Variants in RAG1 observed in about 807,000 individuals in gnomAD.
RAG1 encodes the protein V(D)J recombination-activating protein 1.
Under a neutral mutation model 62.7 loss-of-function variants are expected in RAG1, and 35 were observed. That is an observed-to-expected ratio of 0.56 (90% CI 0.43 to 0.74). The LOEUF (loss-of-function observed/expected upper bound fraction) is 0.74, where lower values mean the gene tolerates loss of function less well. RAG1 is among the 30% of genes least tolerant of loss of function. The pLI is 0.00. For missense variants in RAG1, 1,169 were observed against 1,278.6 expected (o/e 0.91, Z 1.31); for synonymous variants, 461 against 470.3 (o/e 0.98, Z 0.26).
At chr11:36,551,222 G>C (rs1031578022) in intron 3 of RAG1, among the ~76,000 whole-genome samples, 1 of 152,074 alleles carries the variant, frequency 6.6e-6, no homozygotes, top group East Asian at 1.9e-4. Flanking sequence ...ATAAGAAAGT[G>C]GCAGTTTTTG....
At chr11:36,571,443 G>A (rs1466607364) in intron 1 of RAG1, among the ~76,000 whole-genome samples, 1 of 152,124 alleles carries the variant, frequency 6.6e-6, no homozygotes, top group African/African-American at 2.4e-5. Flanking sequence ...TGAACTATAA[G>A]CAATTTTGAG....
Position 36,576,356 on chromosome 11 carries a change from A to G in RAG1, c.3052A>G (p.Thr1018Ala), listed in dbSNP as rs1850851633. 1 of 1,614,190 alleles carries G rather than the reference A, an allele frequency of 6.2e-7. No homozygotes were observed. Among genetic ancestry groups the G allele is most frequent in the Non-Finnish European group, 8.5e-7 (1 of 1,180,034 alleles). Residue 1018 changes from threonine to alanine, a missense_variant, in exon 2 of 2, where the codon ACC becomes GCC. Thr to Ala is a moderately conservative substitution (Grantham distance 58). This residue lies in a region of RAG1 where 800 missense variants were observed against 943.3 expected (regional missense o/e 0.85). Transcript: ENST00000299440. ...TAATGCATTAAAAACCTCTGGGTTT[A>G]CCATGAACCCTCAGGCAAGCTTAGG... is the stretch of plus-strand genomic sequence containing the variant. The part of the protein sequence containing the change: ...AHNALKTSGF[T>A]MNPQASLGDP...
At chr11:36,541,882 TA>T (rs1177859768) in intron 3 of RAG1, among the ~76,000 whole-genome samples, 2 of 150,940 alleles carry the variant, frequency 1.3e-5, no homozygotes, top group African/African-American at 2.4e-5. Context: ...AAGACGACCC[TA>T]AAAAAAAACC....
chr11:36,538,538 C>T (rs1451710445), downstream of RAG1, among the ~76,000 whole-genome samples: 3 of 152,158 alleles, frequency 2.0e-5, no homozygotes, highest in African/African-American at 4.8e-5. Context: ...TTTAGTTTCA[C>T]GCATTTTCTT....
In RAG1 at chr11:36,574,123, T is replaced by C. The variant is rs769498487; in HGVS notation, c.819T>C (p.His273=). 9.3e-6 allele frequency: 15 copies of C among 1,614,172 alleles called. No individual in the cohort carries two copies. The South Asian group carries it at 1.6e-4, about 18-fold the overall frequency. ...MKKIANCSKI[H]LSTKLLAVDF... is the part of the protein sequence containing the mutation. ...AGATCGCCAACTGCAGTAAGATACATCTTAGTACCAAGCTCCTTGCAGTGG... is the reference window on the plus strand; with the variant it reads ...AGATCGCCAACTGCAGTAAGATACACCTTAGTACCAAGCTCCTTGCAGTGG... The change falls in exon 2 of 2, where the codon CAT becomes CAC. Residue 273 remains histidine (H), a synonymous_variant. Coordinates refer to ENST00000299440, the MANE Select transcript of RAG1 (RefSeq NM_000448.3).
At chr11:36,543,895 A>G (rs1263630207) in intron 3 of RAG1, among the ~76,000 whole-genome samples, 1 of 152,162 alleles carries the variant, frequency 6.6e-6, no homozygotes, top group East Asian at 1.9e-4. Flanking sequence ...CAGAAGCGCA[A>G]TTCCTTGGTT....
chr11:36,535,447 G>A (rs1035362441), intron 2 of RAG1, among the ~76,000 whole-genome samples: 2 of 152,068 alleles, frequency 1.3e-5, no homozygotes, highest in African/African-American at 4.8e-5. Flanking sequence ...TATAATATAT[G>A]CATTGTTTAA....
intron 2 of RAG1, among the ~76,000 whole-genome samples, chr11:36,527,837 G>A (rs560718798): frequency 2.1e-4 from 32 of 152,112 alleles, no homozygotes; most frequent in Admixed American, 1.5e-3. Context: ...TGTGGCAATT[G>A]TGAATGGGAG....
upstream of RAG1, among the ~76,000 whole-genome samples, chr11:36,564,156 A>G (rs759261772): frequency 6.6e-6 from 1 of 152,206 alleles, no homozygotes; most frequent in Non-Finnish European, 1.5e-5. Context: ...TGGTCCTCAT[A>G]TCTTCTCTTG....
chr11:36,574,637 A>C lies in RAG1; in HGVS notation c.1333A>C (p.Arg445=), dbSNP rs1257936687. The change falls in exon 2 of 2, where the codon AGG becomes CGG. Residue 445 remains arginine, a synonymous_variant. Coordinates refer to ENST00000299440, the MANE Select transcript of RAG1 (RefSeq NM_000448.3). The part of the protein sequence containing the change: ...MTLFLLALRA[R]NEHRQADELE... ...CTTGTTCCTGCTGGCTCTGAGGGCG[A>C]GGAATGAGCACAGGCAAGCTGATGA... is the stretch of plus-strand genomic sequence containing the variant. 3.1e-6 allele frequency: 5 copies of C among 1,614,184 alleles called. No individual in the cohort carries two copies.
chr11:36,567,147 C>T (rs1353964014), upstream of RAG1, among the ~76,000 whole-genome samples: 1 of 152,186 alleles, frequency 6.6e-6, no homozygotes, highest in East Asian at 1.9e-4. Flanking sequence ...TGATTAGGAA[C>T]ATGAGCTTTG....
At chr11:36,531,769 A>G (rs113338470) in intron 2 of RAG1, among the ~76,000 whole-genome samples, 11 of 152,156 alleles carry the variant, frequency 7.2e-5, no homozygotes, top group African/African-American at 2.4e-4. Flanking sequence ...CTTTCTGTTT[A>G]AAGAACTTCC....
intron 2 of RAG1, among the ~76,000 whole-genome samples, chr11:36,526,344 T>G (rs990798195): frequency 6.6e-6 from 1 of 151,540 alleles, no homozygotes; most frequent in Non-Finnish European, 1.5e-5. Flanking sequence ...TTTGGTTTTC[T>G]GTCCTTGTGA....
Position 36,574,767 on chromosome 11 carries a change from A to G in RAG1, c.1463A>G (p.Tyr488Cys). ...FLSCSQYHKM[Y>C]RTVKAITGRQ... is the part of the protein sequence containing the mutation. ...AGCTGCAGTCAGTACCACAAGATGTACAGGACTGTGAAAGCCATCACAGGG... is the reference window on the plus strand; with the variant it reads ...AGCTGCAGTCAGTACCACAAGATGTGCAGGACTGTGAAAGCCATCACAGGG... Residue 488 changes from tyrosine (Y) to cysteine (C), a missense_variant, in exon 2 of 2, where the codon TAC becomes TGC. Tyr to Cys is a radical substitution (Grantham distance 194). This residue lies in a region of RAG1 where 800 missense variants were observed against 943.3 expected (regional missense o/e 0.85). Transcript: ENST00000299440. 1.6e-5 allele frequency: 26 copies of G among 1,614,218 alleles called. No individual in the cohort carries two copies. Among genetic ancestry groups the G allele is most frequent in the Non-Finnish European group, 2.0e-5 (24 of 1,180,044 alleles).
chr11:36,579,251 G>A lies in RAG1; in HGVS notation c.*2815G>A, dbSNP rs549880300. On this transcript the variant is annotated 3_prime_UTR_variant, in exon 2 of 2. Coordinates refer to ENST00000299440, the MANE Select transcript of RAG1 (RefSeq NM_000448.3). Reference sequence around the variant, plus strand: ...CAGATAAGAGGCAGGATATATAAGCGCCAGTGGTAGTTGGGAGGAATAAAC... The same window carrying A: ...CAGATAAGAGGCAGGATATATAAGCACCAGTGGTAGTTGGGAGGAATAAAC... 12 of 167,162 alleles carry A rather than the reference G, an allele frequency of 7.2e-5. No individual in the cohort carries two copies. Among genetic ancestry groups the A allele is most frequent in the Admixed American group, 2.0e-4 (3 of 15,304 alleles). The allele number at this position is 167,162 out of a possible 1,614,324, so 10.4% of individuals were successfully genotyped here.
Position 36,574,581 on chromosome 11 carries a change from A to G in RAG1, c.1277A>G (p.Glu426Gly). 6.2e-7 allele frequency: 1 copy of G among 1,614,214 alleles called. No homozygotes were observed. Among genetic ancestry groups the G allele is most frequent in the Non-Finnish European group, 8.5e-7 (1 of 1,180,036 alleles). ...LQVKAFADKE[E>G]GGDVKSVCMT... ...GTCAAAGCCTTTGCTGACAAAGAAG[A>G]AGGTGGAGATGTGAAGTCCGTGTGC... The change falls in exon 2 of 2, where the codon GAA (glutamate) becomes GGA (glycine). Residue 426 changes from glutamate to glycine, a missense_variant. Around this residue, in one of 2 missense-constraint regions of RAG1, gnomAD observed 800 missense variants for 943.3 expected, o/e 0.85. Coordinates refer to ENST00000299440, the MANE Select transcript of RAG1 (RefSeq NM_000448.3).
At chr11:36,539,871 A>C (rs187280203), downstream of RAG1, among the ~76,000 whole-genome samples, 1 of 152,340 alleles carries the variant, frequency 6.6e-6, no homozygotes, top group African/African-American at 2.4e-5. Context: ...GGGAAAGAAG[A>C]ATTCATTTGG....
rs142629261 is a variant in RAG1, at chr11:36,514,472, G to T, written n.330+3434G>T. Among the ~76,000 whole-genome samples the T allele has an allele frequency of 2.1e-3, 322 of 152,138 alleles. 1 individual carries two copies. The highest frequency in any genetic ancestry group is 3.6e-3 in the Non-Finnish European group (243 of 68,004). On this transcript the variant is annotated intron_variant and non_coding_transcript_variant, in intron 1 of 2. Coordinates refer to the RAG1 transcript ENST00000529126. ...AGAGTGGGGCAGAGGGATGGTTTTG[G>T]GTTGATTCAAGTGCATTACATTTAT...
In RAG1 at chr11:36,576,208, C is replaced by G. The variant is rs193922463; in HGVS notation, c.2904C>G (p.Asn968Lys). Reference protein sequence around the residue: ...AWASEGNESGNKLFRRFRKMN... With the variant: ...AWASEGNESGKKLFRRFRKMN... ...CAAGTGAGGGAAATGAGTCTGGTAACAAACTGTTTAGGCGCTTCCGGAAAA... is the reference window on the plus strand; with the variant it reads ...CAAGTGAGGGAAATGAGTCTGGTAAGAAACTGTTTAGGCGCTTCCGGAAAA... The change falls in exon 2 of 2, where the codon AAC (asparagine) becomes AAG (lysine). Residue 968 changes from asparagine to lysine, a missense_variant. Asn to Lys is a moderately conservative substitution (Grantham distance 94). This residue lies in a region of RAG1 where 800 missense variants were observed against 943.3 expected (regional missense o/e 0.85). Coordinates refer to ENST00000299440, the MANE Select transcript of RAG1 (RefSeq NM_000448.3). 3 of 1,614,122 alleles carry G rather than the reference C, an allele frequency of 1.9e-6. No homozygotes were observed. The highest frequency in any genetic ancestry group is 1.7e-6 in the Non-Finnish European group (2 of 1,180,046).
Sources: allele counts gnomAD v4.1 joint callset (sites outside exome capture counted in the v4.1 genomes callset), GRCh38; gene constraint gnomAD v4.1.1; regional missense constraint gnomAD v4.1.1; transcripts MANE v1.5; gene names NCBI Gene and HGNC (gene_info 2026-07-23, HGNC 2026-07-21).